RORA: variants seen among roughly 807,000 people sequenced by gnomAD.
The protein encoded by RORA is nuclear receptor ROR-alpha.
RORA carries 7 observed loss-of-function variants against 69.5 expected under a neutral mutation model. That is an observed-to-expected ratio of 0.10 (90% CI 0.06 to 0.19). The LOEUF (loss-of-function observed/expected upper bound fraction) is 0.19, where lower values mean the gene tolerates loss of function less well. Among genes scored for constraint, RORA ranks in the 10% least tolerant of loss-of-function variants. RORA has a pLI of 1.00. For synonymous variants in RORA, 261 were observed against 240.8 expected (o/e 1.08, Z -0.78); for missense variants, 457 against 663.0 (o/e 0.69, Z 3.41).
intron 1 of RORA, among the ~76,000 whole-genome samples, chr15:60,926,414 G>C (rs35715615): frequency 2.0e-5 from 3 of 152,038 alleles, no homozygotes; most frequent in Admixed American, 2.0e-4. Context: ...CTTGGAGACC[G>C]AGTCACTGGG....
Position 60,692,467 on chromosome 15 carries a change from T to A in RORA, c.167-13781A>T, listed in dbSNP as rs560627634. ...TCCAGAAAACAGAACACAATAGCAA[T>A]CACAAAACATTTCTAAGCAGCCTTG... On this transcript the variant is annotated intron_variant, in intron 1 of 10. Coordinates refer to ENST00000335670, the MANE Select transcript of RORA (RefSeq NM_134261.3). Among the ~76,000 whole-genome samples, 11 of 152,100 alleles carry A rather than the reference T, an allele frequency of 7.2e-5. No individual in the cohort carries two copies. In the East Asian group the frequency reaches 1.9e-3, roughly 27 times the overall value.
intron 1 of RORA, among the ~76,000 whole-genome samples, chr15:60,899,694 C>T (rs1193046334): frequency 2.0e-5 from 3 of 152,232 alleles, no homozygotes; most frequent in East Asian, 3.8e-4. Flanking sequence ...CTTTCCAAAA[C>T]AACTCCCCGC....
intron 1 of RORA, among the ~76,000 whole-genome samples, chr15:61,042,734 T>G (rs1485322994): frequency 6.6e-6 from 1 of 152,224 alleles, no homozygotes; most frequent in Non-Finnish European, 1.5e-5. Context: ...CGTCCCTCCA[T>G]AGCCTGCTTC....
intron 4 of RORA, among the ~76,000 whole-genome samples, chr15:60,512,578 C>G (rs1051471549): frequency 6.6e-6 from 1 of 152,206 alleles, no homozygotes; most frequent in African/African-American, 2.4e-5. Flanking sequence ...GTGTGAGCTA[C>G]CACTCCCAGT....
chr15:61,121,268 C>G (rs2079101828), intron 1 of RORA, among the ~76,000 whole-genome samples: 1 of 152,158 alleles, frequency 6.6e-6, no homozygotes, highest in Non-Finnish European at 1.5e-5. Flanking sequence ...CTCAACGGCA[C>G]AGAGCTAGCA....
chr15:61,188,389 C>G (rs572500797), intron 1 of RORA, among the ~76,000 whole-genome samples: 19 of 152,274 alleles, frequency 1.2e-4, no homozygotes, highest in African/African-American at 4.6e-4. Flanking sequence ...TTTGACCCAC[C>G]AACGGGGCCT....
At chr15:61,220,646 C>G (rs2080087027) in intron 1 of RORA, among the ~76,000 whole-genome samples, 1 of 152,130 alleles carries the variant, frequency 6.6e-6, no homozygotes, top group South Asian at 2.1e-4. Flanking sequence ...AACACGGCTG[C>G]CAATTCCCTT....
intron 1 of RORA, among the ~76,000 whole-genome samples, chr15:60,924,894 C>T (rs990974976): frequency 5.9e-5 from 9 of 151,910 alleles, no homozygotes; most frequent in African/African-American, 1.9e-4. Flanking sequence ...GCCTGGCCAA[C>T]GTGGTGAAAC....
intron 1 of RORA, among the ~76,000 whole-genome samples, chr15:60,992,106 T>C (rs10851688): frequency 0.5 from 76,101 of 151,842 alleles, 19,765 homozygotes; most frequent in African/African-American, 0.62. Flanking sequence ...TACTATAATG[T>C]ATGCTTTTAC....
At chr15:61,115,463 T>C (rs936942375) in intron 1 of RORA, among the ~76,000 whole-genome samples, 1 of 152,178 alleles carries the variant, frequency 6.6e-6, no homozygotes, top group African/African-American at 2.4e-5. Flanking sequence ...CTTCTGACCA[T>C]GGAATTTCCA....
At chr15:61,054,304 C>T (rs2078059199) in intron 1 of RORA, among the ~76,000 whole-genome samples, 1 of 131,434 alleles carries the variant, frequency 7.6e-6, no homozygotes, top group African/African-American at 2.6e-5. Flanking sequence ...TTGAAAAGAA[C>T]TTTCATTTTC....
intron 1 of RORA, among the ~76,000 whole-genome samples, chr15:61,220,113 G>T (rs1328481089): frequency 1.3e-5 from 2 of 152,188 alleles, no homozygotes; most frequent in African/African-American, 4.8e-5. Flanking sequence ...TGCCAGAAAT[G>T]GTAAAATACA....
intron 1 of RORA, among the ~76,000 whole-genome samples, chr15:61,164,019 C>G (rs543433289): frequency 1.3e-5 from 2 of 152,224 alleles, no homozygotes; most frequent in South Asian, 2.1e-4. Context: ...ACCTATGCAA[C>G]CAAAAAACCC....
chr15:61,221,137 T>C (rs1449172738), intron 1 of RORA, among the ~76,000 whole-genome samples: 1 of 152,218 alleles, frequency 6.6e-6, no homozygotes, highest in Non-Finnish European at 1.5e-5. Flanking sequence ...TACAGTTGAC[T>C]GTCAATTAAT....
intron 1 of RORA, among the ~76,000 whole-genome samples, chr15:60,961,702 T>C (rs1377922738): frequency 1.3e-5 from 2 of 152,200 alleles, no homozygotes; most frequent in Non-Finnish European, 2.9e-5. Context: ...TCCACCGATA[T>C]ATGTTGTCGA....
chr15:60,760,149 T>C (rs2071865504), intron 1 of RORA, among the ~76,000 whole-genome samples: 1 of 152,204 alleles, frequency 6.6e-6, no homozygotes, highest in Non-Finnish European at 1.5e-5. Context: ...AATATTTTTT[T>C]TTTTCAATGT....
chr15:60,670,462 G>A (rs985273710), intron 2 of RORA, among the ~76,000 whole-genome samples: 2 of 151,886 alleles, frequency 1.3e-5, no homozygotes, highest in African/African-American at 2.4e-5. Flanking sequence ...CGCCCGTCTC[G>A]GCCTCCCAAA....
At chr15:60,864,265 T>A (rs2073462396) in intron 1 of RORA, among the ~76,000 whole-genome samples, 1 of 152,250 alleles carries the variant, frequency 6.6e-6, no homozygotes, top group South Asian at 2.1e-4. Flanking sequence ...TACTCTGTTA[T>A]AAATTAATAA....
intron 2 of RORA, among the ~76,000 whole-genome samples, chr15:60,579,067 T>G (rs2068114297): frequency 6.9e-6 from 1 of 144,024 alleles, no homozygotes; most frequent in Admixed American, 6.8e-5. Flanking sequence ...GCGCCCGGTT[T>G]TTTTTTTTTT....
Sources: gnomAD v4.1 joint callset for allele counts (sites outside exome capture counted in the v4.1 genomes callset) on GRCh38, gnomAD v4.1.1 for gene constraint, MANE v1.5 for transcripts, NCBI Gene and HGNC (gene_info 2026-07-23, HGNC 2026-07-21) for gene names.